Variants in PADI2 observed in about 807,000 individuals in gnomAD.
PADI2 encodes the protein protein-arginine deiminase type-2.
PADI2 carries 70 observed loss-of-function variants against 81.1 expected under a neutral mutation model. The observed-to-expected ratio is 0.86, with a 90% CI of 0.71 to 1.05. The LOEUF (loss-of-function observed/expected upper bound fraction) is 1.05. Among genes scored for constraint, PADI2 ranks in the 50% least tolerant of loss-of-function variants. The pLI is 0.00. For synonymous variants in PADI2, 338 were observed against 358.0 expected (o/e 0.94, Z 0.63); for missense variants, 853 against 889.9 (o/e 0.96, Z 0.53).
At position 17,115,301 on chromosome 1, in the gene PADI2, C is replaced by A. The variant is rs749729980; in HGVS notation, c.92+3979G>T. Among the ~76,000 whole-genome samples the A allele has an allele frequency of 6.6e-6, 1 of 152,276 alleles. No individual in the cohort carries two copies. Among genetic ancestry groups the A allele is most frequent in the Non-Finnish European group, 1.5e-5 (1 of 68,048 alleles). ...GGGAAGGGAATCCTCCCACCTCCAC[C>A]TCACAGACGCAGCTGGAACCTCTGC... On this transcript the variant is annotated intron_variant, in intron 1 of 15. Transcript: ENST00000375486. This position sits in a 1 kb window ranked among gnomAD's most constrained non-coding sequence, Gnocchi z 4.1.
At chr1:17,109,513 G>A (rs948702152) in intron 1 of PADI2, among the ~76,000 whole-genome samples, 3 of 149,654 alleles carry the variant, frequency 2.0e-5, no homozygotes, top group Non-Finnish European at 4.4e-5. Context: ...TTCTTAAACT[G>A]AGAGTCGTGC....
At chr1:17,114,682 G>C (rs1322240985) in intron 1 of PADI2, among the ~76,000 whole-genome samples, 1 of 146,720 alleles carries the variant, frequency 6.8e-6, no homozygotes, top group South Asian at 2.1e-4. Flanking sequence ...CAGAGTTCTC[G>C]GGACTCAGGG....
At chr1:17,106,014 C>T (rs1380668765) in intron 1 of PADI2, among the ~76,000 whole-genome samples, 7 of 152,138 alleles carry the variant, frequency 4.6e-5, no homozygotes, top group Non-Finnish European at 8.8e-5. Context: ...AGAGCTGGGC[C>T]TGGAACCCTG....
intron 1 of PADI2, among the ~76,000 whole-genome samples, chr1:17,111,446 A>G (rs1388128916): frequency 6.6e-6 from 1 of 152,084 alleles, no homozygotes; most frequent in Admixed American, 6.6e-5. Flanking sequence ...GATAATTACT[A>G]TAAAGGAGGA....
chr1:17,117,862 C>T (rs915912564), intron 1 of PADI2, among the ~76,000 whole-genome samples: 2 of 152,200 alleles, frequency 1.3e-5, no homozygotes, highest in Non-Finnish European at 2.9e-5. Context: ...GTGGGGAAGG[C>T]AGGGGAGCTC....
intron 7 of PADI2, among the ~76,000 whole-genome samples, chr1:17,085,365 C>T (rs1202885346): frequency 5.3e-5 from 8 of 152,236 alleles, no homozygotes; most frequent in Non-Finnish European, 8.8e-5. Flanking sequence ...GACTGTTGCA[C>T]GGCTTGCCTT....
rs1424073819 is a variant in PADI2, at chr1:17,068,061, C to G, written c.*983G>C. The G allele has an allele frequency of 6.6e-6, 1 of 152,666 alleles. No homozygotes were observed. The highest frequency in any genetic ancestry group is 6.5e-5 in the Admixed American group (1 of 15,276). 9.5% of individuals were successfully genotyped at this position (152,666 alleles called of 1,614,324 possible). A position where few individuals can be genotyped will look rare whatever the true frequency, so the allele number is the denominator to read the frequency against. On this transcript the variant is annotated 3_prime_UTR_variant, in exon 16 of 16. Transcript: ENST00000375486. ...AGGCCAGGGTCCTTATGTGTTGGAT[C>G]TGATGTCCGGAGAGGAGGGGCTGGT...
At chr1:17,071,872 A>T (rs1365778319) in intron 13 of PADI2, among the ~76,000 whole-genome samples, 1 of 151,966 alleles carries the variant, frequency 6.6e-6, no homozygotes, top group African/African-American at 2.4e-5. Context: ...GCCAAAGGGG[A>T]CACCCTTCCT....
In PADI2 at chr1:17,103,060, C is replaced by G; in HGVS notation, c.277-1G>C. The G allele has an allele frequency of 6.2e-7, 1 of 1,611,708 alleles. No individual in the cohort carries two copies. On this transcript the variant is annotated splice_acceptor_variant, in intron 2 of 15. Coordinates refer to ENST00000375486, the MANE Select transcript of PADI2 (RefSeq NM_007365.3). LOFTEE classifies it high-confidence loss of function. The stretch of plus-strand genomic sequence containing the variant: ...CCTCGTCATAGTAGTTGACGGTGAC[C>G]TTGGTGGGGAGGGGGCACATTGGAG...
chr1:17,074,909 T>C lies in PADI2; in HGVS notation c.1496A>G (p.Lys499Arg), dbSNP rs773639092. The C allele has an allele frequency of 3.5e-5, 57 of 1,613,362 alleles. No homozygotes were observed. Among genetic ancestry groups the C allele is most frequent in the Non-Finnish European group, 4.8e-5 (57 of 1,179,724 alleles). ...GTCCTTCTGCTTCTCTCGGAAGAGC[T>C]TGTAGCAGGCCGAGGTGCTGGCCAT... is the stretch of plus-strand genomic sequence containing the variant. ...LLMASTSACY[K>R]LFREKQKDGH... Residue 499 changes from lysine to arginine, a missense_variant, in exon 13 of 16, where the codon AAG becomes AGG. Coordinates refer to ENST00000375486, the MANE Select transcript of PADI2 (RefSeq NM_007365.3).
intron 3 of PADI2, among the ~76,000 whole-genome samples, chr1:17,101,872 G>A (rs1165308593): frequency 1.3e-5 from 2 of 152,198 alleles, no homozygotes; most frequent in Non-Finnish European, 2.9e-5. Flanking sequence ...TCTATAAAAT[G>A]AGGATGATAA....
At position 17,086,537 on chromosome 1, in the gene PADI2, A is replaced by T; in HGVS notation, c.818T>A (p.Leu273Gln). ...SGLVSIHVSLLEYMAQDIPLT... is the reference protein window; with the variant it reads ...SGLVSIHVSLQEYMAQDIPLT... ...AGCCCTCACCTGGGCCATGTACTCC[A>T]GCAGGCTGACATGGATGGAGACCAG... The change falls in exon 7 of 16, where the codon CTG (leucine) becomes CAG (glutamine). Residue 273 changes from leucine to glutamine, a missense_variant. Coordinates refer to ENST00000375486, the MANE Select transcript of PADI2 (RefSeq NM_007365.3). 6.2e-7 allele frequency: 1 copy of T among 1,613,500 alleles called. No individual in the cohort carries two copies. The highest frequency in any genetic ancestry group is 8.5e-7 in the Non-Finnish European group (1 of 1,179,730).
intron 2 of PADI2, among the ~76,000 whole-genome samples, chr1:17,103,796 T>C (rs888318782): frequency 1.5e-5 from 2 of 132,148 alleles, no homozygotes; most frequent in African/African-American, 5.8e-5. Context: ...GCCTGGGCAA[T>C]ATAGTAAGAC....
At position 17,104,919 on chromosome 1, in the gene PADI2, C is replaced by A. The variant is rs1398107247; in HGVS notation, c.235G>T (p.Val79Phe). The change falls in exon 2 of 16, where the codon GTC becomes TTC. Residue 79 changes from valine (V) to phenylalanine (F), a missense_variant. Transcript: ENST00000375486. ...WLLSPSTTLR[V>F]TMSQASTEAS... ...TCGGTGCTCGCCTGGCTCATGGTGACCCGCAGGGTGGTGCTGGGCGAGAGA... is the reference window on the plus strand; with the variant it reads ...TCGGTGCTCGCCTGGCTCATGGTGAACCGCAGGGTGGTGCTGGGCGAGAGA... The A allele has an allele frequency of 6.2e-7, 1 of 1,600,566 alleles. No homozygotes were observed. The highest frequency in any genetic ancestry group is 1.7e-5 in the Admixed American group (1 of 59,748).
At position 17,095,821 on chromosome 1, in the gene PADI2, C is replaced by T. The variant is rs1327622186; in HGVS notation, c.411+88G>A. The T allele has an allele frequency of 3.0e-6, 3 of 1,016,340 alleles. No homozygotes were observed. The Admixed American group carries it at 5.8e-5, about 19-fold the overall frequency. The allele number at this position is 1,016,340 out of a possible 1,614,324, so 63.0% of individuals were successfully genotyped here. ...CTGTCTTGGGCTTTAGTCTCCTGAG[C>T]TGTGAAATGGGAATTGCCTGCGGGA... On this transcript the variant is annotated intron_variant, in intron 4 of 15. Coordinates refer to ENST00000375486, the MANE Select transcript of PADI2 (RefSeq NM_007365.3).
At chr1:17,093,080 A>C (rs536798770) in intron 5 of PADI2, among the ~76,000 whole-genome samples, 27 of 150,098 alleles carry the variant, frequency 1.8e-4, no homozygotes, top group Middle Eastern at 3.4e-3. Context: ...TTTTCTTTTT[A>C]TTCTTCTTCT....
intron 1 of PADI2, among the ~76,000 whole-genome samples, chr1:17,106,023 T>C (rs1931362882): frequency 6.6e-6 from 1 of 152,130 alleles, no homozygotes; most frequent in Non-Finnish European, 1.5e-5. Flanking sequence ...CCTGGAACCC[T>C]GTCTCCCTGC....
chr1:17,093,113 T>C (rs1316438678), intron 5 of PADI2, among the ~76,000 whole-genome samples: 1 of 151,866 alleles, frequency 6.6e-6, no homozygotes, highest in Non-Finnish European at 1.5e-5. Flanking sequence ...TTTTTTTTCT[T>C]GAGACAGAGT....
intron 1 of PADI2, among the ~76,000 whole-genome samples, chr1:17,105,631 T>A (rs1389671675): frequency 1.3e-5 from 2 of 152,066 alleles, no homozygotes; most frequent in Non-Finnish European, 2.9e-5. Flanking sequence ...CGACCTCAGG[T>A]GATCCGCCTG....
Sources: allele counts gnomAD v4.1 joint callset (sites outside exome capture counted in the v4.1 genomes callset), GRCh38; gene constraint gnomAD v4.1.1; non-coding constraint Gnocchi (gnomAD v3.1); transcripts MANE v1.5; gene names NCBI Gene and HGNC (gene_info 2026-07-23, HGNC 2026-07-21).